Variants in NPR3 observed in about 807,000 individuals in gnomAD.
The protein encoded by NPR3 is natriuretic peptide receptor 3.
Under a neutral mutation model 54.5 loss-of-function variants are expected in NPR3, and 34 were observed. The observed-to-expected ratio is 0.62, with a 90% CI of 0.47 to 0.83. The LOEUF (loss-of-function observed/expected upper bound fraction) is 0.83, where lower values mean the gene tolerates loss of function less well. NPR3 is among the 40% of genes least tolerant of loss of function. NPR3 has a pLI of 0.00. For missense variants in NPR3, 674 were observed against 720.8 expected (o/e 0.94, Z 0.74); for synonymous variants, 289 against 297.1 (o/e 0.97, Z 0.28).
At chr5:32,757,007 C>G (rs1408416502) in intron 3 of NPR3, among the ~76,000 whole-genome samples, 2 of 152,146 alleles carry the variant, frequency 1.3e-5, no homozygotes, top group South Asian at 4.2e-4. Flanking sequence ...GTTACTGTAG[C>G]CTTGTAGTAT....
intron 2 of NPR3, among the ~76,000 whole-genome samples, chr5:32,731,481 G>T (rs1347679056): frequency 6.6e-6 from 1 of 152,134 alleles, no homozygotes; most frequent in African/African-American, 2.4e-5. Context: ...TTTCTTCAAT[G>T]AGAATAATAA....
rs758483759 is a variant in NPR3, at chr5:32,712,244, G to A, written c.468G>A (p.Ser156=). 1.2e-6 allele frequency: 2 copies of A among 1,612,650 alleles called. No individual in the cohort carries two copies. Among genetic ancestry groups the A allele is most frequent in the South Asian group, 1.1e-5 (1 of 91,050 alleles). The change falls in exon 1 of 8, where the codon TCG becomes TCA. Residue 156 remains serine (S), a synonymous_variant. Transcript: ENST00000265074. ...LASHWDLPML[S]AGALAAGFQH... is the part of the protein sequence containing the mutation. ...CGCACTGGGACCTGCCCATGCTGTCGGCTGGGGCGCTGGCCGCTGGCTTCC... is the reference window on the plus strand; with the variant it reads ...CGCACTGGGACCTGCCCATGCTGTCAGCTGGGGCGCTGGCCGCTGGCTTCC...
At chr5:32,747,605 C>A (rs575542416) in intron 3 of NPR3, among the ~76,000 whole-genome samples, 2 of 152,058 alleles carry the variant, frequency 1.3e-5, no homozygotes, top group African/African-American at 4.8e-5. Context: ...TTTTTTAAAA[C>A]CCTTTATCTT....
chr5:32,781,907 C>A (rs1742354743), intron 5 of NPR3, among the ~76,000 whole-genome samples: 1 of 152,116 alleles, frequency 6.6e-6, no homozygotes, highest in Non-Finnish European at 1.5e-5. Context: ...CCTGTGAGAA[C>A]CTGCTGTACC....
intron 4 of NPR3, among the ~76,000 whole-genome samples, chr5:32,776,003 A>T (rs1742026466): frequency 6.6e-6 from 1 of 152,236 alleles, no homozygotes; most frequent in Non-Finnish European, 1.5e-5. Context: ...AAATGTGCAA[A>T]TTGAAAGCTG....
intron 1 of NPR3, 110 bp from the exon 2 acceptor site, chr5:32,724,588 C>A: frequency 1.6e-6 from 2 of 1,277,668 alleles, no homozygotes; most frequent in Non-Finnish European, 2.2e-6. Context: ...GGAGATACTT[C>A]AGGACCATAT....
chr5:32,747,103 T>C (rs982669989), intron 3 of NPR3, among the ~76,000 whole-genome samples: 1 of 152,216 alleles, frequency 6.6e-6, no homozygotes, highest in African/African-American at 2.4e-5. Flanking sequence ...TTTCTGCCAT[T>C]CTCTACTTCT....
chr5:32,778,174 T>A (rs1254212387), intron 4 of NPR3, among the ~76,000 whole-genome samples: 1 of 152,218 alleles, frequency 6.6e-6, no homozygotes, highest in Non-Finnish European at 1.5e-5. Context: ...GGGCCAGGTC[T>A]ACACAGGCAA....
intron 4 of NPR3, among the ~76,000 whole-genome samples, chr5:32,776,320 A>G (rs1401787679): frequency 2.0e-5 from 3 of 152,200 alleles, no homozygotes; most frequent in Non-Finnish European, 4.4e-5. Context: ...TCTCCTATTG[A>G]TGGTCACTTG....
upstream of NPR3, among the ~76,000 whole-genome samples, chr5:32,704,498 T>C (rs1398265034): frequency 2.0e-5 from 3 of 152,060 alleles, no homozygotes; most frequent in African/African-American, 7.2e-5. Flanking sequence ...ATCTCTATTT[T>C]AGAAATGAGA....
At chr5:32,714,102 C>A (rs926608720) in intron 1 of NPR3, among the ~76,000 whole-genome samples, 3 of 143,896 alleles carry the variant, frequency 2.1e-5, no homozygotes, top group African/African-American at 7.8e-5. Flanking sequence ...GCTCCCGGAA[C>A]CTGCTTCTCC....
intron 4 of NPR3, among the ~76,000 whole-genome samples, chr5:32,776,548 G>A (rs967679368): frequency 6.6e-6 from 1 of 152,156 alleles, no homozygotes; most frequent in African/African-American, 2.4e-5. Context: ...GTGTATATAA[G>A]AGTGCTAGTT....
chr5:32,711,823 G>T lies in NPR3; in HGVS notation c.47G>T (p.Gly16Val). 6.9e-7 allele frequency: 1 copy of T among 1,458,348 alleles called. No homozygotes were observed. The highest frequency in any genetic ancestry group is 1.5e-5 in the South Asian group (1 of 67,728). 90.3% of individuals were successfully genotyped at this position (1,458,348 alleles called of 1,614,324 possible). A position where few individuals can be genotyped will look rare whatever the true frequency, so the allele number is the denominator to read the frequency against. Residue 16 changes from glycine (G) to valine (V), a missense_variant, in exon 1 of 8, where the codon GGC becomes GTC. By Grantham distance (109) the Gly-to-Val change is moderately radical. Transcript: ENST00000265074. ...ACTTTCTCCCCGTGCGTACTACTCG[G>T]CTGGGCGTTGCTGGCCGGCGGCACC... ...VLTFSPCVLL[G>V]WALLAGGTGG...
chr5:32,703,192 G>A (rs556041570), intron 1 of NPR3, among the ~76,000 whole-genome samples: 3 of 152,136 alleles, frequency 2.0e-5, no homozygotes, highest in Admixed American at 2.0e-4. Context: ...TGTCATAAAT[G>A]CTGGGCCTGG....
intron 2 of NPR3, among the ~76,000 whole-genome samples, chr5:32,728,741 G>A (rs935777255): frequency 1.3e-5 from 2 of 148,204 alleles, no homozygotes; most frequent in Admixed American, 6.8e-5. Context: ...AATATAAGTT[G>A]AAAATCAATT....
At chr5:32,705,803 G>A (rs370325708), upstream of NPR3, among the ~76,000 whole-genome samples, 3 of 152,222 alleles carry the variant, frequency 2.0e-5, no homozygotes, top group African/African-American at 4.8e-5. Context: ...AATAATCAAC[G>A]CCATAGATAT....
At chr5:32,770,616 C>T (rs1741707475) in intron 3 of NPR3, among the ~76,000 whole-genome samples, 1 of 152,156 alleles carries the variant, frequency 6.6e-6, no homozygotes, top group South Asian at 2.1e-4. Context: ...TGGAGCTTGG[C>T]TTTCAGCGAG....
At chr5:32,692,782 T>C (rs929915085) in intron 1 of NPR3, among the ~76,000 whole-genome samples, 1 of 152,242 alleles carries the variant, frequency 6.6e-6, no homozygotes, top group African/African-American at 2.4e-5. Flanking sequence ...ACACTGATTC[T>C]TCTTTAGGCT....
intron 5 of NPR3, among the ~76,000 whole-genome samples, chr5:32,781,349 C>A (rs972540726): frequency 2.7e-4 from 41 of 152,078 alleles, no homozygotes; most frequent in African/African-American, 9.7e-4. Context: ...GGGAACAGAT[C>A]AAATGAAACC....
Sources: allele counts gnomAD v4.1 joint callset (sites outside exome capture counted in the v4.1 genomes callset), GRCh38; gene constraint gnomAD v4.1.1; transcripts MANE v1.5; gene names NCBI Gene and HGNC (gene_info 2026-07-23, HGNC 2026-07-21).